Variants in RNF150 observed in about 807,000 individuals in gnomAD.
The protein encoded by RNF150 is ring finger protein 150.
RNF150 carries 24 observed loss-of-function variants against 39.3 expected under a neutral mutation model. The ratio of observed to expected loss-of-function variants is 0.61; its 90% confidence interval spans 0.44 to 0.86. RNF150 has a LOEUF of 0.86. Ranked by LOEUF, RNF150 falls within the 40% of genes least tolerant of loss-of-function variation. The pLI is 0.00. For synonymous variants in RNF150, 255 were observed against 227.3 expected, an observed-to-expected ratio of 1.12 and a Z score of -1.10; for missense variants, 502 against 587.8, an observed-to-expected ratio of 0.85 and a Z score of 1.51.
chr4:140,955,751 G>C (rs1021556444), intron 2 of RNF150, among the ~76,000 whole-genome samples: 3 of 152,288 alleles, frequency 2.0e-5, no homozygotes, highest in African/African-American at 4.8e-5. Context: ...ATCTCTGCCT[G>C]AACTCTCCCT....
intron 1 of RNF150, among the ~76,000 whole-genome samples, chr4:141,196,761 C>T (rs1728207992): frequency 6.6e-6 from 1 of 152,136 alleles, no homozygotes; most frequent in Non-Finnish European, 1.5e-5. Flanking sequence ...TTTAGTATCC[C>T]CTTTAGCTTT....
chr4:141,084,601 C>G (rs1738282749), intron 1 of RNF150, among the ~76,000 whole-genome samples: 1 of 152,184 alleles, frequency 6.6e-6, no homozygotes, highest in Non-Finnish European at 1.5e-5. Flanking sequence ...AAAGGACGCG[C>G]AGGCTTCTGA....
chr4:140,870,327 G>T (rs1338989899), intron 6 of RNF150, among the ~76,000 whole-genome samples: 1 of 152,122 alleles, frequency 6.6e-6, no homozygotes, highest in Non-Finnish European at 1.5e-5. Flanking sequence ...AAAAACAGTG[G>T]CATTCAACAA....
At chr4:140,903,788 G>A (rs1252622643) in intron 6 of RNF150, among the ~76,000 whole-genome samples, 1 of 152,222 alleles carries the variant, frequency 6.6e-6, no homozygotes, top group African/African-American at 2.4e-5. Flanking sequence ...CTTCAGTTCA[G>A]GAAGACAAGC....
chr4:141,082,620 GCT>G (rs1197808512), intron 1 of RNF150, among the ~76,000 whole-genome samples: 2 of 151,382 alleles, frequency 1.3e-5, no homozygotes, highest in Non-Finnish European at 1.5e-5. Context: ...ACGGAGTCTC[GCT>G]CTGTCGCCCA....
chr4:141,116,232 C>A (rs1452861168), intron 1 of RNF150, among the ~76,000 whole-genome samples: 1 of 152,146 alleles, frequency 6.6e-6, no homozygotes, highest in Non-Finnish European at 1.5e-5. Flanking sequence ...AAAATTTTTG[C>A]AATCTATCCA....
At chr4:141,002,087 T>C (rs1734687003) in intron 1 of RNF150, among the ~76,000 whole-genome samples, 2 of 152,274 alleles carry the variant, frequency 1.3e-5, no homozygotes, top group East Asian at 1.9e-4. Flanking sequence ...AATCATTTCA[T>C]GGTATGAGTT....
intron 5 of RNF150, among the ~76,000 whole-genome samples, chr4:140,916,084 A>G (rs1006822909): frequency 2.0e-5 from 3 of 152,332 alleles, no homozygotes; most frequent in African/African-American, 7.2e-5. Flanking sequence ...ATAAAACCAA[A>G]AAGATGGGGA....
At chr4:140,879,344 A>G (rs1391756586) in intron 6 of RNF150, among the ~76,000 whole-genome samples, 1 of 152,158 alleles carries the variant, frequency 6.6e-6, no homozygotes, top group Non-Finnish European at 1.5e-5. Flanking sequence ...TTTTAACAAC[A>G]TTGTCTTCCA....
At chr4:140,982,567 G>A (rs1462557190) in intron 1 of RNF150, among the ~76,000 whole-genome samples, 1 of 145,986 alleles carries the variant, frequency 6.8e-6, no homozygotes, top group Non-Finnish European at 1.5e-5. Flanking sequence ...TGAGCAGAAC[G>A]ATTGTTAGGG....
rs1726942858 is a variant in RNF150 at position 141,132,871 on chromosome 4, AG to A, written c.-64del. ...TCCCTCCGTCCCGTCCCTCCTCCCC[AG>A]CCCCGGCCAACCCCGGGCCGCTGCC... On this transcript the variant is annotated 5_prime_UTR_variant, in exon 1 of 7. Coordinates refer to ENST00000515673, the MANE Select transcript of RNF150 (RefSeq NM_020724.2). This position sits in a 1 kb window ranked among gnomAD's most constrained non-coding sequence, Gnocchi z 4.9. The A allele has an allele frequency of 1.4e-6, 2 of 1,389,486 alleles. No individual in the cohort carries two copies. Among genetic ancestry groups the A allele is most frequent in the African/African-American group, 2.9e-5 (2 of 68,394 alleles). The allele number at this position is 1,389,486 out of a possible 1,614,324, so 86.1% of individuals were successfully genotyped here.
At chr4:140,939,481 T>C (rs1387654872) in intron 4 of RNF150, among the ~76,000 whole-genome samples, 1 of 152,314 alleles carries the variant, frequency 6.6e-6, no homozygotes, top group East Asian at 1.9e-4. Flanking sequence ...TGTTTACCAA[T>C]AGAATCAGTT....
At chr4:141,176,875 T>C (rs1373108207) in intron 1 of RNF150, among the ~76,000 whole-genome samples, 1 of 152,006 alleles carries the variant, frequency 6.6e-6, no homozygotes, top group Non-Finnish European at 1.5e-5. Flanking sequence ...TCATAGAACT[T>C]TGAAGTACAC....
At chr4:141,187,679 C>T (rs1478751785) in intron 1 of RNF150, among the ~76,000 whole-genome samples, 1 of 151,628 alleles carries the variant, frequency 6.6e-6, no homozygotes, top group Admixed American at 6.6e-5. Flanking sequence ...GCAACCCCTG[C>T]TTTTTTGCTT....
intron 1 of RNF150, among the ~76,000 whole-genome samples, chr4:140,993,520 G>A (rs115721979): frequency 0.012 from 1,819 of 152,314 alleles, 31 homozygotes; most frequent in African/African-American, 0.041. Flanking sequence ...AAGTAGCAGC[G>A]AGAGACATTT....
chr4:141,193,337 C>T (rs1297496588), intron 1 of RNF150, among the ~76,000 whole-genome samples: 2 of 152,256 alleles, frequency 1.3e-5, no homozygotes, highest in Non-Finnish European at 1.5e-5. Context: ...GGAGTTTCTT[C>T]TCCCTCAGTC....
intron 5 of RNF150, among the ~76,000 whole-genome samples, chr4:140,924,302 C>A (rs1731295829): frequency 6.6e-6 from 1 of 152,102 alleles, no homozygotes; most frequent in Non-Finnish European, 1.5e-5. Flanking sequence ...CCCAATAATT[C>A]TTCTAAAAAT....
chr4:141,083,771 G>A (rs938609854), intron 1 of RNF150, among the ~76,000 whole-genome samples: 2 of 152,080 alleles, frequency 1.3e-5, no homozygotes, highest in African/African-American at 4.8e-5. Context: ...ACAAAGCTAC[G>A]TGGTTCAAAT....
intron 5 of RNF150, among the ~76,000 whole-genome samples, chr4:140,917,135 T>G (rs1251648988): frequency 2.6e-5 from 4 of 152,168 alleles, no homozygotes; most frequent in Non-Finnish European, 5.9e-5. Context: ...CTGCATCAAC[T>G]AATGAGCAAA....
Sources: allele counts gnomAD v4.1 joint callset (sites outside exome capture counted in the v4.1 genomes callset), GRCh38; gene constraint gnomAD v4.1.1; non-coding constraint Gnocchi (gnomAD v3.1); transcripts MANE v1.5; gene names NCBI Gene and HGNC (gene_info 2026-07-23, HGNC 2026-07-21).